Variants in TTC7B observed in about 807,000 individuals in gnomAD.
TTC7B encodes tetratricopeptide repeat domain 7B, also known as tetratricopeptide repeat protein 7B.
TTC7B carries 28 observed loss-of-function variants against 106.8 expected under a neutral mutation model. That is an observed-to-expected ratio of 0.26 (90% confidence interval 0.19 to 0.36). TTC7B has a LOEUF of 0.36. Among genes scored for constraint, TTC7B ranks in the 10% least tolerant of loss-of-function variants. TTC7B has a pLI of 1.00. For synonymous variants in TTC7B, 405 were observed against 430.6 expected, an observed-to-expected ratio of 0.94 and a Z score of 0.74; for missense variants, 862 against 1,076.4, an observed-to-expected ratio of 0.80 and a Z score of 2.79.
chr14:90,544,721 G>A (rs1889750689), intron 19 of TTC7B, among the ~76,000 whole-genome samples: 1 of 152,152 alleles, frequency 6.6e-6, no homozygotes, highest in African/African-American at 2.4e-5. Context: ...AGGTTTCTGG[G>A]TAGCGGCCCT....
At chr14:90,646,915 A>C in intron 14 of TTC7B, 36 bp downstream of exon 14, 1 of 1,560,768 alleles carries the variant, frequency 6.4e-7, no homozygotes, top group Non-Finnish European at 8.8e-7. Flanking sequence ...CAAGATACAG[A>C]GTGCAGCAAG....
chr14:90,558,602 T>A (rs1472705656), intron 19 of TTC7B, among the ~76,000 whole-genome samples: 1 of 152,212 alleles, frequency 6.6e-6, no homozygotes, highest in Admixed American at 6.5e-5. Context: ...CACCTTCTGA[T>A]GAAGGGAGGC....
At chr14:90,778,444 G>A (rs993330624) in intron 3 of TTC7B, among the ~76,000 whole-genome samples, 4 of 152,200 alleles carry the variant, frequency 2.6e-5, no homozygotes, top group Admixed American at 2.6e-4. Context: ...TAGGACGTGG[G>A]CTCTGGGTAC....
At position 90,530,000 on chromosome 14, in the gene TTC7B, C is replaced by T. The variant is rs756044242; in HGVS notation, c.*11368G>A. The T allele has an allele frequency of 2.0e-5, 3 of 152,178 alleles. No homozygotes were observed. The highest frequency in any genetic ancestry group is 2.4e-5 in the African/African-American group (1 of 41,430). The allele number at this position is 152,178 out of a possible 1,614,324, so 9.4% of individuals were successfully genotyped here. On this transcript the variant is annotated 3_prime_UTR_variant, in exon 20 of 20. Coordinates refer to ENST00000328459, the MANE Select transcript of TTC7B (RefSeq NM_001010854.2). Reference sequence around the variant, plus strand: ...CTATACTTGGCTGGGCGCTGTGGCTCACGCCTGTAAGTAATCCCAGCACTT... The same window carrying T: ...CTATACTTGGCTGGGCGCTGTGGCTTACGCCTGTAAGTAATCCCAGCACTT...
chr14:90,764,684 AAATGGCC>A lies in TTC7B; in HGVS notation c.445+16047_445+16053del, dbSNP rs1490955317. 2.6e-5 allele frequency among the ~76,000 whole-genome samples: 4 copies of A among 152,340 alleles called. No homozygotes were observed. The East Asian group carries it at 7.7e-4, about 29-fold the overall frequency. On this transcript the variant is annotated intron_variant, in intron 3 of 19. Coordinates refer to ENST00000328459, the MANE Select transcript of TTC7B (RefSeq NM_001010854.2). ...AGATATTTCTCCAAAGAAGATATAC[AAATGGCC>A]AATAAGCACATGAAAAATTGCTTAA...
chr14:90,784,592 G>C (rs962007537), intron 2 of TTC7B, among the ~76,000 whole-genome samples: 2 of 152,092 alleles, frequency 1.3e-5, no homozygotes, highest in Admixed American at 1.3e-4. Flanking sequence ...ATGAGATGGA[G>C]ATGGGGTTTC....
At chr14:90,682,998 C>T (rs1003272942) in intron 7 of TTC7B, among the ~76,000 whole-genome samples, 2 of 152,178 alleles carry the variant, frequency 1.3e-5, no homozygotes, top group African/African-American at 2.4e-5. Context: ...CATCATCTTG[C>T]CAGGGCTCCC....
At chr14:90,680,562 A>T in intron 7 of TTC7B, 27 bp from the exon 8 acceptor site, 8 of 1,581,020 alleles carry the variant, frequency 5.1e-6, no homozygotes, top group Non-Finnish European at 7.0e-6. Flanking sequence ...ACTGACTTTG[A>T]TATATGGCAG....
intron 1 of TTC7B, among the ~76,000 whole-genome samples, chr14:90,789,095 ATTTTG>A (rs907610477): frequency 6.6e-6 from 1 of 152,084 alleles, no homozygotes; most frequent in Non-Finnish European, 1.5e-5. Context: ...TAATTTAAAA[ATTTTG>A]TTTTGTTTTG....
In TTC7B at chr14:90,562,505, C is replaced by T. The variant is rs556759557; in HGVS notation, c.2310+15601G>A. Among the ~76,000 whole-genome samples the T allele has an allele frequency of 4.6e-5, 7 of 152,352 alleles. No individual in the cohort carries two copies. The South Asian group carries it at 1.0e-3, about 23-fold the overall frequency. ...AATCACATTCACTCACTTGTTTAAA[C>T]TGTATCTTGAAAAAGTTCCAACCTG... On this transcript the variant is annotated intron_variant, in intron 19 of 19. Transcript: ENST00000328459.
At chr14:90,676,726 C>A in intron 8 of TTC7B, 66 bp from the exon 9 acceptor site, 1 of 1,557,884 alleles carries the variant, frequency 6.4e-7, no homozygotes. Context: ...GGGGAGTCCA[C>A]CTAGGCCCTC....
chr14:90,695,312 T>C (rs1229519147), intron 6 of TTC7B, among the ~76,000 whole-genome samples, 188 bp downstream of exon 6: 3 of 148,978 alleles, frequency 2.0e-5, no homozygotes, highest in Non-Finnish European at 4.4e-5. Context: ...ATATGTCACA[T>C]ATATTTATAA....
intron 18 of TTC7B, among the ~76,000 whole-genome samples, chr14:90,582,466 A>AG (rs1230583991): frequency 1.3e-5 from 2 of 152,250 alleles, no homozygotes; most frequent in Non-Finnish European, 2.9e-5. Flanking sequence ...GGCCGTGCCA[A>AG]GGGATCAACC....
At chr14:90,586,841 A>G (rs1296279675) in intron 18 of TTC7B, among the ~76,000 whole-genome samples, 1 of 151,792 alleles carries the variant, frequency 6.6e-6, no homozygotes, top group Non-Finnish European at 1.5e-5. Context: ...CCTGACTCCA[A>G]CTCATCAGTT....
At position 90,650,348 on chromosome 14, in the gene TTC7B, C is replaced by A. The variant is rs77090296; in HGVS notation, c.1517+2493G>T. Among the ~76,000 whole-genome samples the A allele has an allele frequency of 4.0e-3, 608 of 152,186 alleles. 2 individuals carry two copies. The highest frequency in any genetic ancestry group is 0.014 in the African/African-American group (584 of 41,502). ...ATTAAGTTTTTTAAAAAGTGCAAAC[C>A]CTGGTTAAATCTATTGCTCAGGAAT... On this transcript the variant is annotated intron_variant, in intron 13 of 19. Coordinates refer to ENST00000328459, the MANE Select transcript of TTC7B (RefSeq NM_001010854.2).
At chr14:90,583,968 G>C (rs1397796081) in intron 18 of TTC7B, among the ~76,000 whole-genome samples, 1 of 151,944 alleles carries the variant, frequency 6.6e-6, no homozygotes, top group Non-Finnish European at 1.5e-5. Context: ...GCTTCACTCT[G>C]CCCAGGACCC....
chr14:90,653,809 G>C (rs1260036674), intron 12 of TTC7B, among the ~76,000 whole-genome samples: 2 of 152,138 alleles, frequency 1.3e-5, no homozygotes, highest in Non-Finnish European at 2.9e-5. Context: ...ACTGACCCAA[G>C]AATGGAAAAG....
At chr14:90,780,313 G>A (rs984492167) in intron 3 of TTC7B, among the ~76,000 whole-genome samples, 1 of 151,844 alleles carries the variant, frequency 6.6e-6, no homozygotes, top group South Asian at 2.1e-4. Context: ...CCTGGGAGGC[G>A]GAGGTTGCGG....
In TTC7B at chr14:90,663,155, A is replaced by C. The variant is rs1018438271; in HGVS notation, c.1153-4768T>G. The stretch of plus-strand genomic sequence containing the variant: ...CTAAGGACCCTGCAAAGTACAAGGC[A>C]GGTAGGCCCCTTTATCATCGTCCAT... On this transcript the variant is annotated intron_variant, in intron 9 of 19. Coordinates refer to ENST00000328459, the MANE Select transcript of TTC7B (RefSeq NM_001010854.2). The surrounding 1 kb of genome is among the most constrained non-coding windows in gnomAD (Gnocchi z 4.5). 1.1e-4 allele frequency among the ~76,000 whole-genome samples: 16 copies of C among 152,338 alleles called. No homozygotes were observed. The highest frequency in any genetic ancestry group is 3.8e-4 in the African/African-American group (16 of 41,580).
Sources: allele counts gnomAD v4.1 joint callset (sites outside exome capture counted in the v4.1 genomes callset), GRCh38; gene constraint gnomAD v4.1.1; non-coding constraint Gnocchi (gnomAD v3.1); transcripts MANE v1.5; gene names NCBI Gene and HGNC (gene_info 2026-07-23, HGNC 2026-07-21).